Variants in DNAH8 observed in about 807,000 individuals in gnomAD.
The protein encoded by DNAH8 is axonemal beta dynein heavy chain 8.
A neutral mutation model predicts 562.1 loss-of-function variants in DNAH8; 382 were observed. That is an observed-to-expected ratio of 0.68 (90% CI 0.63 to 0.74). The LOEUF is 0.74. Ranked by LOEUF, DNAH8 falls within the 30% of genes least tolerant of loss-of-function variation. The pLI, the probability that DNAH8 is intolerant of heterozygous loss-of-function variation, is 0.00. For missense variants in DNAH8, 5,203 were observed against 5,620.4 expected (o/e 0.93, Z 2.37); for synonymous variants, 1,881 against 1,919.4 (o/e 0.98, Z 0.52).
At chr6:38,738,942 T>C (rs767561287) in intron 7 of DNAH8, among the ~76,000 whole-genome samples, 9 of 152,228 alleles carry the variant, frequency 5.9e-5, no homozygotes, top group Non-Finnish European at 1.0e-4. Context: ...TTTTTAATTG[T>C]TGCCAATATG....
intron 3 of DNAH8, among the ~76,000 whole-genome samples, chr6:38,724,910 C>G (rs1478818063): frequency 6.6e-6 from 1 of 151,938 alleles, no homozygotes; most frequent in Non-Finnish European, 1.5e-5. Flanking sequence ...AGGTTGTCAC[C>G]ATGGGGGCCA....
intron 91 of DNAH8, among the ~76,000 whole-genome samples, chr6:39,025,673 C>T (rs1030724926): frequency 6.6e-6 from 1 of 152,206 alleles, no homozygotes; most frequent in Non-Finnish European, 1.5e-5. Context: ...TTTGTGCATA[C>T]ATTGGTATGT....
chr6:39,025,250 C>T (rs1361178412), intron 91 of DNAH8, among the ~76,000 whole-genome samples: 2 of 152,218 alleles, frequency 1.3e-5, no homozygotes, highest in East Asian at 1.9e-4. Context: ...TTCTCAATTA[C>T]GCTTTCCCTG....
chr6:38,972,169 A>C (rs1381126921), intron 83 of DNAH8: 3 of 152,290 alleles, frequency 2.0e-5, no homozygotes, highest in Non-Finnish European at 4.4e-5. Flanking sequence ...CATCACACCT[A>C]ATAAATACAC....
At chr6:38,759,507 T>C (rs1233978231) in intron 10 of DNAH8, among the ~76,000 whole-genome samples, 1 of 152,218 alleles carries the variant, frequency 6.6e-6, no homozygotes, top group Non-Finnish European at 1.5e-5. Flanking sequence ...CCTTCCTCTT[T>C]ACCTGTCTCT....
chr6:38,787,010 T>C (rs1769225940), intron 18 of DNAH8, 58 bp downstream of exon 18: 3 of 1,071,960 alleles, frequency 2.8e-6, no homozygotes, highest in African/African-American at 4.0e-5. Flanking sequence ...AAAAAAAATA[T>C]GTATATATAT....
intron 85 of DNAH8, among the ~76,000 whole-genome samples, chr6:38,980,247 C>T (rs562265233): frequency 3.0e-4 from 46 of 152,258 alleles, no homozygotes; most frequent in African/African-American, 7.7e-4. Context: ...AAATAGAAGA[C>T]GTGTTTTTCA....
intron 88 of DNAH8, among the ~76,000 whole-genome samples, chr6:39,007,565 C>G (rs191323659): frequency 1.3e-5 from 2 of 152,320 alleles, no homozygotes; most frequent in Admixed American, 6.5e-5. Flanking sequence ...TCACACCTGG[C>G]TAGGGAAATC....
At chr6:38,804,759 A>AAGAG (rs137967997) in intron 22 of DNAH8, among the ~76,000 whole-genome samples, 4,071 of 111,108 alleles carry the variant, frequency 0.037, 128 homozygotes, top group African/African-American at 0.094. Flanking sequence ...ACATAGCAAG[A>AAGAG]AGAGAGAGAG....
At chr6:38,878,691 T>A (rs1778214733) in intron 53 of DNAH8, among the ~76,000 whole-genome samples, 1 of 152,126 alleles carries the variant, frequency 6.6e-6, no homozygotes, top group South Asian at 2.1e-4. Context: ...TAGAAACAAC[T>A]TTGCAAGAAC....
chr6:38,820,465 A>G (rs1196922524), intron 26 of DNAH8, among the ~76,000 whole-genome samples: 1 of 152,222 alleles, frequency 6.6e-6, no homozygotes, highest in African/African-American at 2.4e-5. Flanking sequence ...CACTTTTAGA[A>G]TAAAACAGCA....
chr6:38,924,368 C>T (rs953242052), intron 73 of DNAH8, among the ~76,000 whole-genome samples: 8 of 151,798 alleles, frequency 5.3e-5, no homozygotes, highest in Non-Finnish European at 8.8e-5. Context: ...AAAAGTTAGC[C>T]GGGCATGATG....
chr6:39,030,080 A>G lies in DNAH8; in HGVS notation c.13837-25A>G, dbSNP rs375545912. The G allele has an allele frequency of 1.9e-6, 3 of 1,590,474 alleles. No individual in the cohort carries two copies. In the African/African-American group the frequency reaches 4.1e-5, roughly 22 times the overall value. Reference sequence around the variant, plus strand: ...GCACCTAGTTTAAAAAATAAATCCTATTACCTTATGCTTGACTCTTCCAGG... The same window carrying G: ...GCACCTAGTTTAAAAAATAAATCCTGTTACCTTATGCTTGACTCTTCCAGG... On this transcript the variant is annotated intron_variant, in intron 92 of 92. Transcript: ENST00000327475.
chr6:38,804,699 C>T lies in DNAH8; in HGVS notation c.3035-782C>T, dbSNP rs114367226. ...AAGTAGGGAATCTGTGGGAAGCTGG[C>T]TTTTTGGAGTGAGAGAACATTCCAG... On this transcript the variant is annotated intron_variant, in intron 22 of 92. Transcript: ENST00000327475. Among the ~76,000 whole-genome samples the T allele has an allele frequency of 2.0e-3, 300 of 151,052 alleles. 1 individual carries two copies. Among genetic ancestry groups the T allele is most frequent in the African/African-American group, 6.9e-3 (282 of 40,938 alleles).
At chr6:38,848,588 A>T (rs1775486766) in intron 36 of DNAH8, 60 bp from the exon 37 acceptor site, 4 of 1,376,952 alleles carry the variant, frequency 2.9e-6, no homozygotes, top group Non-Finnish European at 4.1e-6. Context: ...TACTTCGGTA[A>T]GGCCATACTA....
intron 4 of DNAH8, among the ~76,000 whole-genome samples, chr6:38,733,131 A>G (rs985497718): frequency 5.3e-5 from 8 of 152,114 alleles, no homozygotes; most frequent in Admixed American, 2.0e-4. Flanking sequence ...GGTTCAAGCA[A>G]TCCTCCTGCC....
chr6:38,967,479 G>A (rs950343195), intron 82 of DNAH8, among the ~76,000 whole-genome samples: 4 of 152,052 alleles, frequency 2.6e-5, no homozygotes, highest in African/African-American at 9.7e-5. Context: ...GTATTTCTAT[G>A]CACTAGCAAG....
chr6:38,857,424 T>G, intron 41 of DNAH8, 94 bp from the exon 42 acceptor site: 1 of 757,628 alleles, frequency 1.3e-6, no homozygotes, highest in Non-Finnish European at 2.2e-6. Context: ...AATCTCATTT[T>G]TAGTTTAAAA....
intron 11 of DNAH8, 121 bp downstream of exon 11, chr6:38,761,924 T>TA: frequency 3.9e-6 from 2 of 511,830 alleles, no homozygotes; most frequent in Non-Finnish European, 6.9e-6. Flanking sequence ...GTTGAGAATA[T>TA]AAAAAGAATA....
Sources: gnomAD v4.1 joint callset for allele counts (sites outside exome capture counted in the v4.1 genomes callset) on GRCh38, gnomAD v4.1.1 for gene constraint, MANE v1.5 for transcripts, NCBI Gene and HGNC (gene_info 2026-07-23, HGNC 2026-07-21) for gene names.